The following CAST variants were observed in gnomAD, a reference collection of about 807,000 sequenced individuals.
CAST encodes calpastatin.
In CAST, 76 loss-of-function variants were observed where a neutral mutation model predicts 119.6. That is an observed-to-expected ratio of 0.64 (90% CI 0.53 to 0.77). The LOEUF (loss-of-function observed/expected upper bound fraction) is 0.77. CAST is among the 30% of genes least tolerant of loss of function. The probability of loss-of-function intolerance (pLI) is 0.00; values close to 1 mark genes in which losing one functional copy is unlikely to be tolerated. For missense variants in CAST, 953 were observed against 946.5 expected, an observed-to-expected ratio of 1.01 and a Z score of -0.09; for synonymous variants, 319 against 331.6, an observed-to-expected ratio of 0.96 and a Z score of 0.41.
At chr5:96,714,929 T>A (rs1756929475) in intron 3 of CAST, 1 of 151,840 alleles carries the variant, frequency 6.6e-6, no homozygotes, top group Non-Finnish European at 1.5e-5. Flanking sequence ...GTTCTTGGGG[T>A]GGTCCGGTAT....
At chr5:96,670,469 C>T (rs1254681939) in intron 1 of CAST, among the ~76,000 whole-genome samples, 1 of 151,382 alleles carries the variant, frequency 6.6e-6, no homozygotes, top group Admixed American at 6.6e-5. Flanking sequence ...TGTCTTCTTG[C>T]TTCTTTTATA....
chr5:96,743,789 T>G, intron 16 of CAST: 1 of 1,239,096 alleles, frequency 8.1e-7, no homozygotes, highest in Non-Finnish European at 1.1e-6. Context: ...CAACACAATG[T>G]GAGATATACA....
At chr5:96,495,410 C>T in the CAST span, among the ~76,000 whole-genome samples, 4 of 152,006 alleles carry the variant, frequency 2.6e-5, no homozygotes, top group South Asian at 6.2e-4. Flanking sequence ...TAATGCTCTC[C>T]CTCCTCTTTC....
the CAST span, among the ~76,000 whole-genome samples, chr5:96,278,189 T>A: frequency 6.6e-6 from 1 of 152,298 alleles, no homozygotes; most frequent in African/African-American, 2.4e-5. Context: ...AGCAAGTATG[T>A]GATTTCAGGA....
chr5:96,311,338 A>T, the CAST span, among the ~76,000 whole-genome samples: 1 of 152,222 alleles, frequency 6.6e-6, no homozygotes, highest in Non-Finnish European at 1.5e-5. Context: ...GTGGCCTAAC[A>T]TATTACCTAT....
chr5:96,102,960 AAG>A, the CAST span, among the ~76,000 whole-genome samples: 6 of 152,120 alleles, frequency 3.9e-5, no homozygotes, highest in Non-Finnish European at 8.8e-5. Flanking sequence ...CAAGAAGAGA[AAG>A]AGTATTGCTA....
chr5:96,627,866 C>T (rs1299607442), intron 1 of CAST, among the ~76,000 whole-genome samples: 1 of 152,208 alleles, frequency 6.6e-6, no homozygotes, highest in Non-Finnish European at 1.5e-5. Flanking sequence ...AGTAAACCCT[C>T]CAGGTGAAAC....
chr5:96,558,592 A>G (rs999492299), intron 1 of CAST, among the ~76,000 whole-genome samples: 8 of 152,244 alleles, frequency 5.3e-5, no homozygotes, highest in Admixed American at 2.0e-4. Flanking sequence ...CTACACAAAT[A>G]AACTAGAAAA....
chr5:96,746,323 T>TC lies in CAST; in HGVS notation c.1201-15dup. 1.4e-6 allele frequency: 2 copies of TC among 1,453,082 alleles called. No homozygotes were observed. Among genetic ancestry groups the TC allele is most frequent in the Non-Finnish European group, 1.9e-6 (2 of 1,033,576 alleles). 90.0% of individuals were successfully genotyped at this position (1,453,082 alleles called of 1,614,324 possible). On this transcript the variant is annotated intron_variant, in intron 16 of 31. Coordinates refer to ENST00000675179, the MANE Select transcript of CAST (RefSeq NM_001750.7). Reference sequence around the variant, plus strand: ...GTGCATTATCCAACTACTTTTTTTTTCCCCTCCATTTTCATCAGGCAAAAG... The same window carrying TC: ...GTGCATTATCCAACTACTTTTTTTTTCCCCCTCCATTTTCATCAGGCAAAAG...
the CAST span, among the ~76,000 whole-genome samples, chr5:96,388,723 C>T: frequency 6.6e-6 from 1 of 152,180 alleles, no homozygotes; most frequent in Non-Finnish European, 1.5e-5. Context: ...AAGAATTAAT[C>T]TGTATCCTTT....
At chr5:96,049,889 C>CAAAAAA in the CAST span, among the ~76,000 whole-genome samples, 473 of 34,066 alleles carry the variant, frequency 0.014, 1 homozygote, top group Non-Finnish European at 0.017. Context: ...GAACAGGAGG[C>CAAAAAA]AAAAAAAAAA....
At chr5:96,620,025 AGACAATGCATGTTAAAT>A (rs1410369075) in intron 1 of CAST, among the ~76,000 whole-genome samples, 21 of 152,258 alleles carry the variant, frequency 1.4e-4, no homozygotes, top group Admixed American at 4.6e-4. Context: ...ATTACATTAG[AGACAATGCATGTTAAAT>A]GACAATGCAT....
chr5:96,143,160 G>A, the CAST span, among the ~76,000 whole-genome samples: 1 of 152,186 alleles, frequency 6.6e-6, no homozygotes, highest in African/African-American at 2.4e-5. Context: ...AGAAGTAATT[G>A]GATGTATATA....
At chr5:96,050,654 G>C in the CAST span, among the ~76,000 whole-genome samples, 1 of 152,224 alleles carries the variant, frequency 6.6e-6, no homozygotes, top group African/African-American at 2.4e-5. Flanking sequence ...CTATTTGGGG[G>C]AGCAGCTGCT....
the CAST span, among the ~76,000 whole-genome samples, chr5:96,046,945 A>G: frequency 6.6e-6 from 1 of 152,170 alleles, no homozygotes; most frequent in South Asian, 2.1e-4. Context: ...AGCCCCCATG[A>G]TTCAATTACC....
the CAST span, among the ~76,000 whole-genome samples, chr5:96,028,158 C>T: frequency 2.4e-3 from 358 of 152,054 alleles, no homozygotes; most frequent in African/African-American, 8.2e-3. Flanking sequence ...ACAGAAAACA[C>T]TTAAATTGTC....
the CAST span, chr5:95,961,734 G>A: frequency 5.7e-6 from 9 of 1,591,018 alleles, no homozygotes; most frequent in East Asian, 2.3e-5. Context: ...TAAACTCCCC[G>A]GGGTGCCGCC....
At chr5:96,326,717 T>C in the CAST span, among the ~76,000 whole-genome samples, 11 of 147,828 alleles carry the variant, frequency 7.4e-5, no homozygotes, top group African/African-American at 2.8e-4. Context: ...TTTTTTTTTT[T>C]TTGTCTTCAG....
upstream of CAST, among the ~76,000 whole-genome samples, chr5:96,661,812 C>CA (rs1468301767): frequency 1.3e-5 from 2 of 152,122 alleles, no homozygotes; most frequent in Non-Finnish European, 2.9e-5. Context: ...TCGAAACTGC[C>CA]AAAAAACAAA....
Sources: allele counts gnomAD v4.1 joint callset (sites outside exome capture counted in the v4.1 genomes callset), GRCh38; gene constraint gnomAD v4.1.1; transcripts MANE v1.5; gene names NCBI Gene and HGNC (gene_info 2026-07-23, HGNC 2026-07-21).